WWTR1: variants seen among roughly 807,000 people sequenced by gnomAD.
WWTR1 encodes the protein WW domain containing transcription regulator 1.
WWTR1 carries 13 observed loss-of-function variants against 40.1 expected under a neutral mutation model. The ratio of observed to expected loss-of-function variants is 0.32; its 90% CI spans 0.21 to 0.52. The LOEUF is 0.52. Among genes scored for constraint, WWTR1 ranks in the 20% least tolerant of loss-of-function variants. WWTR1 has a pLI of 0.97. For synonymous variants in WWTR1, 230 were observed against 210.1 expected, an observed-to-expected ratio of 1.09 and a Z score of -0.82; for missense variants, 436 against 523.1, an observed-to-expected ratio of 0.83 and a Z score of 1.63.
At chr3:149,542,283 G>C in intron 4 of WWTR1, 52 bp downstream of exon 4, 1 of 1,580,950 alleles carries the variant, frequency 6.3e-7, no homozygotes, top group Admixed American at 1.7e-5. Context: ...CTACCCATCA[G>C]CTTTGGCACC....
intron 2 of WWTR1, among the ~76,000 whole-genome samples, chr3:149,616,444 C>CT (rs570202828): frequency 0.021 from 3,010 of 145,084 alleles, 88 homozygotes; most frequent in African/African-American, 0.07. Context: ...CTCTCTCTCT[C>CT]TTTTTTTTTT....
At chr3:149,554,809 G>A (rs1039776179) in intron 3 of WWTR1, among the ~76,000 whole-genome samples, 3 of 152,178 alleles carry the variant, frequency 2.0e-5, no homozygotes, top group Admixed American at 6.5e-5. Flanking sequence ...AGTGGCCCGT[G>A]GCAGGAAGCA....
At chr3:149,627,742 A>G (rs772492464) in intron 2 of WWTR1, among the ~76,000 whole-genome samples, 2 of 152,172 alleles carry the variant, frequency 1.3e-5, no homozygotes, top group Non-Finnish European at 2.9e-5. Context: ...ATTATTTTTA[A>G]AGAAAGTTGA....
At chr3:149,530,883 G>A (rs367683093) in intron 4 of WWTR1, among the ~76,000 whole-genome samples, 3 of 151,596 alleles carry the variant, frequency 2.0e-5, no homozygotes, top group East Asian at 3.9e-4. Flanking sequence ...ACCTTCAACT[G>A]ACTAACAAAT....
intron 2 of WWTR1, among the ~76,000 whole-genome samples, chr3:149,591,676 T>A (rs986508641): frequency 2.6e-4 from 39 of 152,340 alleles, no homozygotes; most frequent in African/African-American, 9.4e-4. Context: ...TTAAAACATT[T>A]ACACAAAAAA....
chr3:149,536,489 G>GA (rs1560049090), intron 4 of WWTR1, among the ~76,000 whole-genome samples: 4 of 151,740 alleles, frequency 2.6e-5, no homozygotes, highest in African/African-American at 9.7e-5. Context: ...AAAAGGGGGG[G>GA]GCCTCAGAAC....
chr3:149,551,006 T>C lies in WWTR1; in HGVS notation c.569-8469A>G, dbSNP rs1421707808. ...CACTTCTAACATCATCCTTTAAGAGTAGAACAGGTAAAGCCGGCACGGTGG... is the reference window on the plus strand; with the variant it reads ...CACTTCTAACATCATCCTTTAAGAGCAGAACAGGTAAAGCCGGCACGGTGG... On this transcript the variant is annotated intron_variant, in intron 3 of 6. Coordinates refer to ENST00000360632, the MANE Select transcript of WWTR1 (RefSeq NM_015472.6). Among the ~76,000 whole-genome samples the C allele has an allele frequency of 1.4e-5, 2 of 143,352 alleles. 1 individual carries two copies. The highest frequency in any genetic ancestry group is 4.1e-4 in the East Asian group (2 of 4,824). The allele number at this position is 143,352 out of a possible 152,430, so 94.0% of individuals were successfully genotyped here.
chr3:149,645,139 G>A (rs1416397814), intron 2 of WWTR1, among the ~76,000 whole-genome samples: 2 of 104,786 alleles, frequency 1.9e-5, no homozygotes, highest in Non-Finnish European at 4.2e-5. Context: ...GAGTGCAGTG[G>A]CGCGATCTCA....
intron 2 of WWTR1, among the ~76,000 whole-genome samples, chr3:149,586,712 C>T (rs1347253183): frequency 6.6e-6 from 1 of 152,120 alleles, no homozygotes; most frequent in South Asian, 2.1e-4. Context: ...GGGGAACCAA[C>T]CACATGGCTG....
intron 2 of WWTR1, among the ~76,000 whole-genome samples, chr3:149,625,015 G>A (rs1385926989): frequency 6.6e-6 from 1 of 150,774 alleles, no homozygotes; most frequent in East Asian, 1.9e-4. Context: ...ATATGTGTGA[G>A]CCACCATGCC....
At chr3:149,706,209 A>C (rs1490094345), upstream of WWTR1, among the ~76,000 whole-genome samples, 2 of 152,146 alleles carry the variant, frequency 1.3e-5, no homozygotes, top group East Asian at 3.8e-4. Context: ...TCTCAAAAGA[A>C]AAAATAAAAA....
intron 6 of WWTR1, among the ~76,000 whole-genome samples, chr3:149,523,185 T>C (rs1735143501): frequency 6.6e-6 from 1 of 152,104 alleles, no homozygotes; most frequent in South Asian, 2.1e-4. Flanking sequence ...TGCAATCTCA[T>C]AGTAATCTTT....
intron 1 of WWTR1, among the ~76,000 whole-genome samples, chr3:149,691,078 T>G (rs1396548185): frequency 6.6e-6 from 1 of 151,966 alleles, no homozygotes; most frequent in African/African-American, 2.4e-5. Context: ...AAATTTAAAA[T>G]TTAAAAATTT....
At chr3:149,601,896 C>T (rs1310542867) in intron 2 of WWTR1, among the ~76,000 whole-genome samples, 7 of 152,052 alleles carry the variant, frequency 4.6e-5, no homozygotes, top group South Asian at 2.1e-4. Context: ...TGCCTCAGAA[C>T]GGAAGAAATT....
chr3:149,580,165 T>A (rs1738075307), intron 2 of WWTR1, among the ~76,000 whole-genome samples: 1 of 152,236 alleles, frequency 6.6e-6, no homozygotes, highest in African/African-American at 2.4e-5. Context: ...AACATTCTAT[T>A]AGTGTGATCT....
At chr3:149,684,384 C>A (rs377369170) in intron 1 of WWTR1, among the ~76,000 whole-genome samples, 1 of 151,972 alleles carries the variant, frequency 6.6e-6, no homozygotes. Flanking sequence ...GGCTGGGACA[C>A]GGGTGGGAAG....
intron 2 of WWTR1, among the ~76,000 whole-genome samples, chr3:149,646,739 A>T (rs922237226): frequency 6.6e-6 from 1 of 152,234 alleles, no homozygotes; most frequent in African/African-American, 2.4e-5. Flanking sequence ...CTAACAAATT[A>T]GATGGGAACC....
intron 2 of WWTR1, chr3:149,649,834 C>G (rs988549519): frequency 6.7e-6 from 1 of 149,668 alleles, no homozygotes; most frequent in African/African-American, 2.5e-5. Flanking sequence ...GGAGAATCAG[C>G]TGAACCTGGG....
At chr3:149,563,951 G>A (rs562793929) in intron 3 of WWTR1, among the ~76,000 whole-genome samples, 29 of 152,118 alleles carry the variant, frequency 1.9e-4, no homozygotes, top group African/African-American at 6.0e-4. Flanking sequence ...ACGGGGTTTC[G>A]CCATGTTGGC....
Sources: allele counts gnomAD v4.1 joint callset (sites outside exome capture counted in the v4.1 genomes callset), GRCh38; gene constraint gnomAD v4.1.1; transcripts MANE v1.5; gene names NCBI Gene and HGNC (gene_info 2026-07-23, HGNC 2026-07-21).